Variants in KLHL10 observed in about 807,000 individuals in gnomAD.
KLHL10 encodes kelch like family member 10.
KLHL10 carries 11 observed loss-of-function variants against 46.6 expected under a neutral mutation model. The observed-to-expected ratio is 0.24, with a 90% confidence interval of 0.15 to 0.39. KLHL10 has a LOEUF of 0.39. KLHL10 is among the 10% of genes least tolerant of loss of function. KLHL10 has a pLI of 1.00. For missense variants in KLHL10, 475 were observed against 789.8 expected (o/e 0.60, Z 4.78); for synonymous variants, 254 against 279.1 (o/e 0.91, Z 0.90).
chr17:41,844,812 G>C (rs947336932), intron 2 of KLHL10, among the ~76,000 whole-genome samples: 7 of 152,074 alleles, frequency 4.6e-5, no homozygotes, highest in African/African-American at 1.7e-4. Context: ...GCCTCCCAAA[G>C]TGCTGGGATT....
intron 4 of KLHL10, 85 bp from the exon 5 acceptor site, chr17:41,847,848 A>C: frequency 1.3e-6 from 2 of 1,542,830 alleles, no homozygotes; most frequent in Non-Finnish European, 1.8e-6. Context: ...GGGAGTTATG[A>C]GATCACTGGT....
chr17:41,836,215 G>A, upstream of KLHL10: 1 of 1,241,098 alleles, frequency 8.1e-7, no homozygotes, highest in South Asian at 3.8e-5. Flanking sequence ...CCTGGTCGGC[G>A]GCTCGCGGGA....
chr17:41,844,428 C>T (rs1315943549), intron 2 of KLHL10, among the ~76,000 whole-genome samples: 3 of 151,574 alleles, frequency 2.0e-5, no homozygotes, highest in Non-Finnish European at 4.4e-5. Context: ...ATGGGGGTTT[C>T]ACCACGTTGA....
intron 2 of KLHL10, among the ~76,000 whole-genome samples, chr17:41,843,963 G>A (rs1453311369): frequency 4.0e-5 from 6 of 151,170 alleles, no homozygotes; most frequent in South Asian, 2.1e-4. Flanking sequence ...GGGTTTCACC[G>A]TGTTAGCCAG....
chr17:41,846,494 G>A (rs960870083), intron 3 of KLHL10, among the ~76,000 whole-genome samples: 29 of 150,608 alleles, frequency 1.9e-4, no homozygotes, highest in African/African-American at 6.6e-4. Context: ...CCAAGATTGC[G>A]CCACTGCACT....
At chr17:41,836,007 G>C, upstream of KLHL10, 1 of 1,488,030 alleles carries the variant, frequency 6.7e-7, no homozygotes, top group East Asian at 2.6e-5. Flanking sequence ...CGCTGGGCCC[G>C]AGGGGAGCCC....
intron 1 of KLHL10, among the ~76,000 whole-genome samples, chr17:41,839,941 A>G (rs1291568423): frequency 6.6e-6 from 1 of 151,300 alleles, no homozygotes; most frequent in Admixed American, 6.6e-5. Flanking sequence ...ATGCAATGGC[A>G]TGATCTCTGC....
At chr17:41,846,644 T>C (rs925727633) in intron 3 of KLHL10, among the ~76,000 whole-genome samples, 4 of 151,750 alleles carry the variant, frequency 2.6e-5, no homozygotes, top group African/African-American at 7.3e-5. Flanking sequence ...GTCAGGAGTT[T>C]GAGACCAACC....
rs2048233510 is a variant in KLHL10 at position 41,842,166 on chromosome 17, G to C, written c.538G>C (p.Glu180Gln). ...EMVKVSAEFLELSVTELKDII... is the reference protein window; with the variant it reads ...EMVKVSAEFLQLSVTELKDII... ...GGTGAAAGTCTCGGCAGAATTTTTA[G>C]AGCTCTCGGTCACTGAACTTAAGGA... Residue 180 changes from glutamate (E) to glutamine (Q), a missense_variant, in exon 2 of 5, where the codon GAG becomes CAG. Glu to Gln is a conservative substitution (Grantham distance 29). Coordinates refer to ENST00000293303, the MANE Select transcript of KLHL10 (RefSeq NM_152467.5). The C allele has an allele frequency of 1.1e-5, 18 of 1,614,154 alleles. No homozygotes were observed. The highest frequency in any genetic ancestry group is 1.5e-5 in the Non-Finnish European group (18 of 1,180,038).
At chr17:41,838,680 A>G (rs2048195509) in intron 1 of KLHL10, among the ~76,000 whole-genome samples, 2 of 84,224 alleles carry the variant, frequency 2.4e-5, no homozygotes, top group Admixed American at 1.4e-4. Context: ...TTTGCTCTTG[A>G]GAGATCTGAT....
chr17:41,838,758 G>A (rs191009865), intron 1 of KLHL10, among the ~76,000 whole-genome samples: 11 of 149,866 alleles, frequency 7.3e-5, no homozygotes, highest in African/African-American at 2.2e-4. Flanking sequence ...GCGCCATCTC[G>A]GCTCACTGCA....
chr17:41,839,258 G>A (rs781958707), intron 1 of KLHL10, among the ~76,000 whole-genome samples: 17 of 152,150 alleles, frequency 1.1e-4, no homozygotes, highest in Non-Finnish European at 2.4e-4. Flanking sequence ...CCAAAGTGCT[G>A]GGATTACAGG....
intron 2 of KLHL10, among the ~76,000 whole-genome samples, chr17:41,844,709 C>CA (rs2048265227): frequency 6.6e-6 from 1 of 152,012 alleles, no homozygotes; most frequent in East Asian, 1.9e-4. Flanking sequence ...CCACCACACT[C>CA]AGCTAATTTT....
rs527751497 is a variant in KLHL10, at chr17:41,846,068, A to G, written c.1302+325A>G. On this transcript the variant is annotated intron_variant, in intron 3 of 4. Coordinates refer to ENST00000293303, the MANE Select transcript of KLHL10 (RefSeq NM_152467.5). ...CTACTAAAAATACAAAAAATTAGCC[A>G]GGCCTGGTGGCGGGCGCCTGTAATC... Among the ~76,000 whole-genome samples the G allele has an allele frequency of 5.3e-3, 807 of 151,288 alleles. 11 individuals are homozygous for G. In the East Asian group the frequency reaches 0.068, roughly 13 times the overall value.
chr17:41,840,541 A>G (rs985115701), intron 1 of KLHL10, among the ~76,000 whole-genome samples: 14 of 151,344 alleles, frequency 9.3e-5, no homozygotes, highest in African/African-American at 3.4e-4. Context: ...GCTACTCGGG[A>G]GGCTGAGGCA....
chr17:41,835,760 A>T, upstream of KLHL10: 1 of 1,205,128 alleles, frequency 8.3e-7, no homozygotes. Flanking sequence ...GCAGAGAGCT[A>T]GGAGGGGTCC....
chr17:41,844,030 G>A (rs1555621004), intron 2 of KLHL10, among the ~76,000 whole-genome samples: 1 of 151,452 alleles, frequency 6.6e-6, no homozygotes. Context: ...CAAAGTGCTG[G>A]GATTACAGGT....
upstream of KLHL10, chr17:41,836,556 C>T: frequency 1.5e-6 from 1 of 654,500 alleles, no homozygotes; most frequent in Non-Finnish European, 1.9e-6. Context: ...GGCGCGGTGG[C>T]CCATACCTGT....
At chr17:41,840,338 T>A (rs910983861) in intron 1 of KLHL10, among the ~76,000 whole-genome samples, 2 of 152,052 alleles carry the variant, frequency 1.3e-5, no homozygotes, top group Admixed American at 6.5e-5. Context: ...TTTGATTTTT[T>A]CCCCCAACCA....
Sources: gnomAD v4.1 joint callset for allele counts (sites outside exome capture counted in the v4.1 genomes callset) on GRCh38, gnomAD v4.1.1 for gene constraint, MANE v1.5 for transcripts, NCBI Gene and HGNC (gene_info 2026-07-23, HGNC 2026-07-21) for gene names.